The following ZSCAN25 variants were observed in gnomAD, a reference collection of about 807,000 sequenced individuals.
ZSCAN25 encodes zinc finger and SCAN domain containing 25.
A neutral mutation model predicts 38.7 loss-of-function variants in ZSCAN25; 27 were observed. The observed-to-expected ratio is 0.70, with a 90% CI of 0.51 to 0.96. ZSCAN25 has a LOEUF of 0.96. ZSCAN25 is among the 40% of genes least tolerant of loss of function. ZSCAN25 has a pLI of 0.00. For missense variants in ZSCAN25, 637 were observed against 705.9 expected (o/e 0.90, Z 1.11); for synonymous variants, 273 against 277.7 (o/e 0.98, Z 0.17).
chr7:99,628,255 A>G (rs1807668275), intron 7 of ZSCAN25, among the ~76,000 whole-genome samples: 1 of 152,266 alleles, frequency 6.6e-6, no homozygotes, highest in South Asian at 2.1e-4. Flanking sequence ...TTCATATTTT[A>G]TCAAACCAGG....
At chr7:99,637,048 T>G (rs894011273), downstream of ZSCAN25, among the ~76,000 whole-genome samples, 11 of 152,234 alleles carry the variant, frequency 7.2e-5, no homozygotes, top group Non-Finnish European at 1.2e-4. Context: ...ATTAAATACC[T>G]TTTTTATAAA....
intron 4 of ZSCAN25, 62 bp downstream of exon 4, chr7:99,620,055 CA>C (rs983552606): frequency 6.6e-7 from 1 of 1,505,374 alleles, no homozygotes; most frequent in African/African-American, 1.4e-5. Context: ...TTAAAGAATC[CA>C]AAGATTTGAG....
chr7:99,633,737 C>T (rs933930661), downstream of ZSCAN25, among the ~76,000 whole-genome samples: 3 of 152,286 alleles, frequency 2.0e-5, no homozygotes, highest in Middle Eastern at 3.4e-3. Context: ...GGCCTGCACT[C>T]ATGGATTTAA....
rs1008854815 is a variant in ZSCAN25 at position 99,630,230 on chromosome 7, C to A, written c.*210C>A. 6.7e-6 allele frequency: 9 copies of A among 1,350,364 alleles called. No individual in the cohort carries two copies. 83.6% of individuals were successfully genotyped at this position (1,350,364 alleles called of 1,614,324 possible). A position where few individuals can be genotyped will look rare whatever the true frequency, so the allele number is the denominator to read the frequency against. On this transcript the variant is annotated 3_prime_UTR_variant, in exon 8 of 8. Coordinates refer to ENST00000394152, the MANE Select transcript of ZSCAN25 (RefSeq NM_145115.3). ...AAGTGGTGCTAAACAATTTTTCTTC[C>A]AATGTTTGAGGGAAGCAGTCTCCTG...
At chr7:99,627,849 G>A (rs1401207683) in intron 7 of ZSCAN25, among the ~76,000 whole-genome samples, 2 of 151,842 alleles carry the variant, frequency 1.3e-5, no homozygotes, top group Non-Finnish European at 2.9e-5. Context: ...TATATGTATA[G>A]TATATATATG....
At chr7:99,626,805 A>T (rs1011144762) in intron 7 of ZSCAN25, among the ~76,000 whole-genome samples, 1 of 152,196 alleles carries the variant, frequency 6.6e-6, no homozygotes, top group Non-Finnish European at 1.5e-5. Context: ...TCATGAGTGT[A>T]CAATCCATTT....
chr7:99,659,221 A>G, the ZSCAN25 span: 36,350 of 151,880 alleles, frequency 0.24, 8,133 homozygotes, highest in African/African-American at 0.58. Context: ...TCTACCTTTG[A>G]TCTTTGATGA....
the ZSCAN25 span, chr7:99,648,541 C>A: frequency 1.7e-6 from 1 of 571,598 alleles, no homozygotes; most frequent in South Asian, 2.5e-5. Flanking sequence ...TTGAACTCTT[C>A]ATACTTAATC....
chr7:99,638,011 A>G, the ZSCAN25 span, among the ~76,000 whole-genome samples: 1 of 152,222 alleles, frequency 6.6e-6, no homozygotes, highest in Non-Finnish European at 1.5e-5. Flanking sequence ...AAGAGCATCT[A>G]GCAACTTTGT....
the ZSCAN25 span, chr7:99,667,082 A>C: frequency 6.2e-7 from 1 of 1,603,316 alleles, no homozygotes; most frequent in South Asian, 1.1e-5. Flanking sequence ...TTCAACAGAA[A>C]CATTTTTTCT....
chr7:99,630,478 G>A lies in ZSCAN25; in HGVS notation c.*458G>A, dbSNP rs78919085. ...TTGAACATCCTCTGAGCACCTGGCC[G>A]TGGGAATGCCGTGGTGAATGAGAGA... is the stretch of plus-strand genomic sequence containing the variant. On this transcript the variant is annotated 3_prime_UTR_variant, in exon 8 of 8. Coordinates refer to ENST00000394152, the MANE Select transcript of ZSCAN25 (RefSeq NM_145115.3). The A allele has an allele frequency of 4.2e-3, 4,211 of 997,370 alleles. 121 individuals are homozygous for A. The African/African-American group carries it at 0.061, about 14-fold the overall frequency. The allele number at this position is 997,370 out of a possible 1,614,324, so 61.8% of individuals were successfully genotyped here.
the ZSCAN25 span, among the ~76,000 whole-genome samples, chr7:99,674,743 A>G: frequency 3.3e-5 from 5 of 152,230 alleles, no homozygotes; most frequent in Admixed American, 1.3e-4. Context: ...AGGGAAAGAC[A>G]AGAAAACAGA....
chr7:99,620,275 G>GT (rs781507383), intron 4 of ZSCAN25: 29 of 429,504 alleles, frequency 6.8e-5, no homozygotes, highest in Non-Finnish European at 1.1e-4. Flanking sequence ...AAAGAAGGCA[G>GT]TTGTGATTGT....
chr7:99,708,931 A>C, the ZSCAN25 span: 1 of 1,329,258 alleles, frequency 7.5e-7, no homozygotes, highest in Non-Finnish European at 1.1e-6. Flanking sequence ...TAAACATAAA[A>C]AGACAAGCAA....
the ZSCAN25 span, chr7:99,672,455 T>A: frequency 6.5e-6 from 5 of 771,100 alleles, no homozygotes; most frequent in South Asian, 8.0e-5. Context: ...CGGGACAGGA[T>A]GAAGAGTACA....
At chr7:99,706,791 C>T in the ZSCAN25 span, among the ~76,000 whole-genome samples, 1 of 152,190 alleles carries the variant, frequency 6.6e-6, no homozygotes, top group African/African-American at 2.4e-5. Context: ...GTATGCAAAC[C>T]AATCGACTGC....
the ZSCAN25 span, among the ~76,000 whole-genome samples, chr7:99,664,382 G>C: frequency 6.6e-6 from 1 of 152,128 alleles, no homozygotes; most frequent in Non-Finnish European, 1.5e-5. Flanking sequence ...TTATCTATTG[G>C]ACTAGAGTTT....
At chr7:99,667,013 T>C in the ZSCAN25 span, 1 of 1,614,058 alleles carries the variant, frequency 6.2e-7, no homozygotes, top group African/African-American at 1.3e-5. Context: ...CTTCCATTCT[T>C]CATCCTCAGC....
intron 7 of ZSCAN25, chr7:99,624,427 C>A: frequency 1.2e-5 from 6 of 521,108 alleles, no homozygotes; most frequent in Admixed American, 6.3e-5. Context: ...CATGAGGACC[C>A]CCAAACACCT....
Sources: allele counts gnomAD v4.1 joint callset (sites outside exome capture counted in the v4.1 genomes callset), GRCh38; gene constraint gnomAD v4.1.1; transcripts MANE v1.5; gene names NCBI Gene and HGNC (gene_info 2026-07-23, HGNC 2026-07-21).